WARS2: variants seen among roughly 807,000 people sequenced by gnomAD.
WARS2 encodes the protein tryptophan--tRNA ligase, mitochondrial.
A neutral mutation model predicts 36.5 loss-of-function variants in WARS2; 28 were observed. The observed-to-expected ratio is 0.77, with a 90% CI of 0.57 to 1.05. The LOEUF (loss-of-function observed/expected upper bound fraction) is 1.05, where lower values mean the gene tolerates loss of function less well. WARS2 is among the 50% of genes least tolerant of loss of function. WARS2 has a pLI of 0.00. For synonymous variants in WARS2, 174 were observed against 178.4 expected (o/e 0.98, Z 0.20); for missense variants, 435 against 456.8 (o/e 0.95, Z 0.44).
chr1:119,126,681 A>G (rs1481502720), intron 1 of WARS2: 3 of 724,848 alleles, frequency 4.1e-6, no homozygotes, highest in Non-Finnish European at 7.7e-6. Flanking sequence ...GGGCTTCCTC[A>G]GCATTTTTAC....
chr1:119,056,818 T>C (rs1245661032), intron 2 of WARS2, among the ~76,000 whole-genome samples: 1 of 152,116 alleles, frequency 6.6e-6, no homozygotes, highest in African/African-American at 2.4e-5. Flanking sequence ...TAAACTCTTA[T>C]GCTTGGCTTT....
At chr1:119,037,311 T>A (rs1475455252) in intron 4 of WARS2, among the ~76,000 whole-genome samples, 1 of 139,590 alleles carries the variant, frequency 7.2e-6, no homozygotes, top group African/African-American at 2.8e-5. Flanking sequence ...GCATCTATGA[T>A]ACTTGAGATC....
At position 119,049,216 on chromosome 1, in the gene WARS2, G is replaced by A. The variant is rs536961733; in HGVS notation, c.349-3554C>T. ...GCACACCAGCGGGCCACTGACGGGC[G>A]GAACGACATGGGGTTTGTCTGGGGC... On this transcript the variant is annotated intron_variant, in intron 2 of 5. Transcript: ENST00000235521. 7.9e-5 allele frequency among the ~76,000 whole-genome samples: 12 copies of A among 152,306 alleles called. No individual in the cohort carries two copies. The East Asian group carries it at 2.3e-3, about 29-fold the overall frequency.
chr1:119,055,310 C>G (rs1649682364), intron 2 of WARS2, among the ~76,000 whole-genome samples: 1 of 152,002 alleles, frequency 6.6e-6, no homozygotes, highest in East Asian at 1.9e-4. Flanking sequence ...AACGAAATGG[C>G]TAGAAAAAAA....
chr1:119,057,198 G>A (rs1649892126), intron 2 of WARS2, among the ~76,000 whole-genome samples: 1 of 151,964 alleles, frequency 6.6e-6, no homozygotes, highest in African/African-American at 2.4e-5. Flanking sequence ...CCAGGCTGGA[G>A]TCAGTGGCAC....
chr1:119,123,601 C>T (rs950905188), intron 1 of WARS2, among the ~76,000 whole-genome samples: 1 of 120,324 alleles, frequency 8.3e-6, no homozygotes, highest in Non-Finnish European at 1.8e-5. Context: ...TGTGTGCATG[C>T]AAACACACAC....
chr1:119,071,960 C>T (rs990232993), intron 2 of WARS2, among the ~76,000 whole-genome samples: 1 of 151,938 alleles, frequency 6.6e-6, no homozygotes, highest in South Asian at 2.1e-4. Flanking sequence ...CCTAGCATTG[C>T]CTGTTAAAAA....
chr1:119,043,988 C>A (rs753577054), intron 3 of WARS2, among the ~76,000 whole-genome samples: 6 of 152,220 alleles, frequency 3.9e-5, no homozygotes, highest in Non-Finnish European at 8.8e-5. Flanking sequence ...GCACTGGAAT[C>A]CTGTACTCAG....
At chr1:119,121,542 T>C (rs931970635) in intron 1 of WARS2, among the ~76,000 whole-genome samples, 35 of 150,820 alleles carry the variant, frequency 2.3e-4, no homozygotes, top group Admixed American at 2.0e-3. Flanking sequence ...GAAAAAACAA[T>C]CCTAAAATTC....
At chr1:119,106,778 T>C (rs1269091388) in intron 1 of WARS2, among the ~76,000 whole-genome samples, 2 of 152,214 alleles carry the variant, frequency 1.3e-5, no homozygotes, top group African/African-American at 2.4e-5. Context: ...AATATCCACA[T>C]GCAGGTTTTT....
chr1:119,136,042 G>C (rs1432928663), intron 1 of WARS2, among the ~76,000 whole-genome samples: 2 of 152,092 alleles, frequency 1.3e-5, no homozygotes, highest in East Asian at 1.9e-4. Context: ...AAAGTGCTGG[G>C]ATTACAGGCG....
At chr1:119,083,810 T>C (rs1473369630) in intron 1 of WARS2, among the ~76,000 whole-genome samples, 2 of 152,190 alleles carry the variant, frequency 1.3e-5, no homozygotes, top group Non-Finnish European at 2.9e-5. Flanking sequence ...ATTAGAAAAT[T>C]AAATGTAGTG....
intron 1 of WARS2, among the ~76,000 whole-genome samples, chr1:119,119,546 T>G (rs1027592833): frequency 4.6e-5 from 7 of 151,998 alleles, no homozygotes; most frequent in Non-Finnish European, 1.0e-4. Context: ...TAAACTATAC[T>G]TTAAAACAAA....
intron 1 of WARS2, among the ~76,000 whole-genome samples, chr1:119,091,546 TA>T (rs1439196633): frequency 2.6e-5 from 4 of 152,334 alleles, no homozygotes; most frequent in African/African-American, 9.6e-5. Flanking sequence ...CCTAAAATTT[TA>T]ATTTTATGTT....
intron 2 of WARS2, among the ~76,000 whole-genome samples, chr1:119,059,572 A>G (rs1419504458): frequency 1.3e-5 from 2 of 152,206 alleles, no homozygotes; most frequent in African/African-American, 4.8e-5. Context: ...CTCAATTATT[A>G]TAGCTGTATA....
At chr1:119,091,409 T>C (rs1326759409) in intron 1 of WARS2, among the ~76,000 whole-genome samples, 1 of 152,184 alleles carries the variant, frequency 6.6e-6, no homozygotes, top group Non-Finnish European at 1.5e-5. Flanking sequence ...TAGTAAATAG[T>C]GGAGCCATGA....
At chr1:119,055,706 GAA>G (rs772371863) in intron 2 of WARS2, among the ~76,000 whole-genome samples, 6 of 150,096 alleles carry the variant, frequency 4.0e-5, no homozygotes, top group Non-Finnish European at 8.9e-5. Flanking sequence ...AAGAAAGAAA[GAA>G]GAGAGAGAGA....
At chr1:119,060,939 C>T (rs1650324177) in intron 2 of WARS2, among the ~76,000 whole-genome samples, 1 of 152,096 alleles carries the variant, frequency 6.6e-6, no homozygotes, top group Non-Finnish European at 1.5e-5. Context: ...ATCTGGCCAA[C>T]CCCTGAATTC....
At chr1:119,083,148 G>A (rs1392833741) in intron 1 of WARS2, among the ~76,000 whole-genome samples, 1 of 152,184 alleles carries the variant, frequency 6.6e-6, no homozygotes, top group African/African-American at 2.4e-5. Context: ...AGAATCACTT[G>A]AACCCGGGAG....
Sources: gnomAD v4.1 joint callset for allele counts (sites outside exome capture counted in the v4.1 genomes callset) on GRCh38, gnomAD v4.1.1 for gene constraint, MANE v1.5 for transcripts, NCBI Gene and HGNC (gene_info 2026-07-23, HGNC 2026-07-21) for gene names.